The following OLFM3 variants were observed in gnomAD, a reference collection of about 807,000 sequenced individuals.
OLFM3 encodes noelin-3.
A neutral mutation model predicts 48.6 loss-of-function variants in OLFM3; 20 were observed. The ratio of observed to expected loss-of-function variants is 0.41; its 90% confidence interval spans 0.29 to 0.60. The LOEUF (loss-of-function observed/expected upper bound fraction) is 0.60. Among genes scored for constraint, OLFM3 ranks in the 20% least tolerant of loss-of-function variants. OLFM3 has a pLI of 0.28. For missense variants in OLFM3, 437 were observed against 544.3 expected, an observed-to-expected ratio of 0.80 and a Z score of 1.96; for synonymous variants, 222 against 198.1, an observed-to-expected ratio of 1.12 and a Z score of -1.01.
At chr1:101,961,380 A>C (rs1660463178) in intron 1 of OLFM3, among the ~76,000 whole-genome samples, 1 of 152,050 alleles carries the variant, frequency 6.6e-6, no homozygotes, top group Non-Finnish European at 1.5e-5. Flanking sequence ...GTAATCTATC[A>C]AATTTTGCAT....
At chr1:101,916,910 G>A (rs983816359) in intron 1 of OLFM3, among the ~76,000 whole-genome samples, 1 of 152,072 alleles carries the variant, frequency 6.6e-6, no homozygotes, top group African/African-American at 2.4e-5. Context: ...GTTCTGAACA[G>A]GATAAAATTA....
chr1:101,832,966 C>T (rs780629158), intron 2 of OLFM3, among the ~76,000 whole-genome samples: 3 of 152,042 alleles, frequency 2.0e-5, no homozygotes, highest in Non-Finnish European at 4.4e-5. Context: ...TGTGGTTAAA[C>T]ATGTATAAGG....
chr1:101,843,057 T>A (rs1216334194), intron 1 of OLFM3, among the ~76,000 whole-genome samples: 1 of 152,214 alleles, frequency 6.6e-6, no homozygotes, highest in Non-Finnish European at 1.5e-5. Context: ...AAATCAGATA[T>A]CTTCATCCAG....
At chr1:101,817,280 G>C (rs1165743638) in intron 4 of OLFM3, among the ~76,000 whole-genome samples, 1 of 152,102 alleles carries the variant, frequency 6.6e-6, no homozygotes, top group Non-Finnish European at 1.5e-5. Context: ...AGGAAGTTAG[G>C]AGTCTTGCTT....
At chr1:101,987,977 T>C (rs1457865574) in intron 1 of OLFM3, among the ~76,000 whole-genome samples, 2 of 152,112 alleles carry the variant, frequency 1.3e-5, no homozygotes, top group African/African-American at 4.8e-5. Flanking sequence ...TACTTATATT[T>C]GTTTTTAATT....
intron 1 of OLFM3, among the ~76,000 whole-genome samples, chr1:101,983,612 C>T (rs979379000): frequency 6.6e-6 from 1 of 152,212 alleles, no homozygotes; most frequent in Middle Eastern, 3.2e-3. Flanking sequence ...AATAGTCCAG[C>T]CTATCCCATG....
At chr1:101,856,451 A>G (rs1163001386) in intron 1 of OLFM3, among the ~76,000 whole-genome samples, 1 of 152,036 alleles carries the variant, frequency 6.6e-6, no homozygotes, top group African/African-American at 2.4e-5. Flanking sequence ...AAGTAACTCA[A>G]TTGAAAAACA....
At chr1:101,910,455 G>A (rs1274505725) in intron 1 of OLFM3, among the ~76,000 whole-genome samples, 7 of 143,114 alleles carry the variant, frequency 4.9e-5, no homozygotes, top group Non-Finnish European at 9.0e-5. Flanking sequence ...GACAGAGCGA[G>A]ACTCCGTCTC....
At chr1:101,874,705 A>G (rs745329088) in intron 1 of OLFM3, among the ~76,000 whole-genome samples, 26 of 151,964 alleles carry the variant, frequency 1.7e-4, no homozygotes, top group Non-Finnish European at 3.2e-4. Flanking sequence ...ACACAGAATA[A>G]CTGGTATTAT....
intron 1 of OLFM3, among the ~76,000 whole-genome samples, chr1:101,854,732 T>G (rs1360678150): frequency 1.3e-5 from 2 of 151,984 alleles, no homozygotes; most frequent in African/African-American, 4.8e-5. Context: ...ATAGTGCCAC[T>G]CTTAAGAGCT....
intron 1 of OLFM3, among the ~76,000 whole-genome samples, chr1:101,986,461 G>T (rs990266181): frequency 6.6e-6 from 1 of 151,766 alleles, no homozygotes; most frequent in Non-Finnish European, 1.5e-5. Flanking sequence ...CTCCTAATTT[G>T]GTACTCTGTC....
At chr1:101,865,295 G>A (rs1656815328) in intron 1 of OLFM3, among the ~76,000 whole-genome samples, 2 of 152,300 alleles carry the variant, frequency 1.3e-5, no homozygotes, top group Middle Eastern at 3.4e-3. Flanking sequence ...AGATTGTCAT[G>A]AGAGAATATA....
At chr1:101,973,851 A>G (rs1660875948) in intron 1 of OLFM3, among the ~76,000 whole-genome samples, 2 of 152,194 alleles carry the variant, frequency 1.3e-5, no homozygotes, top group African/African-American at 2.4e-5. Context: ...ATTTTTTTCT[A>G]AAGCCAATTT....
chr1:101,893,393 C>A, intron 1 of OLFM3: 1 of 373,854 alleles, frequency 2.7e-6, no homozygotes, highest in Non-Finnish European at 5.5e-6. Context: ...ACAGATCAGT[C>A]CTCAAGATAG....
intron 1 of OLFM3, among the ~76,000 whole-genome samples, chr1:101,963,177 C>T (rs370865284): frequency 6.6e-6 from 1 of 152,100 alleles, no homozygotes; most frequent in African/African-American, 2.4e-5. Flanking sequence ...GACTCAGAGC[C>T]CTCGTTATGC....
chr1:101,876,749 A>T (rs1302827768), intron 1 of OLFM3, among the ~76,000 whole-genome samples: 5 of 151,874 alleles, frequency 3.3e-5, no homozygotes, highest in Admixed American at 3.3e-4. Context: ...CCCTACCTGA[A>T]TTCTATATGT....
At chr1:101,825,871 G>A (rs1435204315) in intron 3 of OLFM3, among the ~76,000 whole-genome samples, 1 of 152,096 alleles carries the variant, frequency 6.6e-6, no homozygotes, top group Non-Finnish European at 1.5e-5. Context: ...CATTATGAAG[G>A]TAAGTTCAGT....
chr1:101,943,080 G>A (rs978955422), intron 1 of OLFM3, among the ~76,000 whole-genome samples: 1 of 152,160 alleles, frequency 6.6e-6, no homozygotes, highest in Non-Finnish European at 1.5e-5. Context: ...TGTGAACTTG[G>A]CTAGGGTATA....
chr1:101,957,570 C>T (rs1660335300), intron 1 of OLFM3, among the ~76,000 whole-genome samples: 1 of 151,970 alleles, frequency 6.6e-6, no homozygotes, highest in African/African-American at 2.4e-5. Context: ...CCAAATGTGA[C>T]TGAAATAATA....
Sources: gnomAD v4.1 joint callset for allele counts (sites outside exome capture counted in the v4.1 genomes callset) on GRCh38, gnomAD v4.1.1 for gene constraint, MANE v1.5 for transcripts, NCBI Gene and HGNC (gene_info 2026-07-23, HGNC 2026-07-21) for gene names.